ECM1: variants seen among roughly 807,000 people sequenced by gnomAD.
ECM1 encodes secretory component p85.
ECM1 carries 54 observed loss-of-function variants against 57.9 expected under a neutral mutation model. The observed-to-expected ratio is 0.93, with a 90% confidence interval of 0.75 to 1.17. ECM1 has a LOEUF of 1.17. Ranked by LOEUF, ECM1 falls within the 50% of genes most tolerant of loss-of-function variation. ECM1 has a pLI of 0.00. For synonymous variants in ECM1, 237 were observed against 259.1 expected (o/e 0.91, Z 0.82); for missense variants, 649 against 688.1 (o/e 0.94, Z 0.64).
chr1:150,511,511 C>A lies in ECM1; in HGVS notation c.763C>A (p.Pro255Thr). The A allele has an allele frequency of 2.5e-6, 4 of 1,614,188 alleles. No homozygotes were observed. The highest frequency in any genetic ancestry group is 3.4e-6 in the Non-Finnish European group (4 of 1,180,016). The stretch of plus-strand genomic sequence containing the variant: ...GGCCGAGTTCTCGGTCAAGACCCGA[C>A]CCCACTGGTGCTGCACGCGGCAGGG... ...CEAEFSVKTR[P>T]HWCCTRQGEA... is the part of the protein sequence containing the mutation. The change falls in exon 7 of 10, where the codon CCC becomes ACC. Residue 255 changes from proline to threonine, a missense_variant. Physicochemically the swap from Pro to Thr is conservative, Grantham distance 38. Transcript: ENST00000369047.
chr1:150,510,604 G>A, intron 5 of ECM1: 1 of 578,220 alleles, frequency 1.7e-6, no homozygotes, highest in Non-Finnish European at 3.1e-6. Flanking sequence ...TCCTGCCTTA[G>A]TGCTCAGGAC....
chr1:150,511,684 C>G lies in ECM1; in HGVS notation c.936C>G (p.Ile312Met), dbSNP rs1670447412. 1 of 1,614,046 alleles carries G rather than the reference C, an allele frequency of 6.2e-7. No homozygotes were observed. The highest frequency in any genetic ancestry group is 1.7e-5 in the Admixed American group (1 of 60,004). Residue 312 changes from isoleucine to methionine, a missense_variant, in exon 7 of 10, where the codon ATC becomes ATG. Ile to Met is a conservative substitution (Grantham distance 10, BLOSUM62 1). Transcript: ENST00000369047. ...GVPTLDNIKN[I>M]CHLRRFRSVP... ...CCACATTGGACAATATCAAGAACATCTGCCACCTGAGGCGCTTCCGCTCTG... is the reference window on the plus strand; with the variant it reads ...CCACATTGGACAATATCAAGAACATGTGCCACCTGAGGCGCTTCCGCTCTG...
intron 2 of ECM1, 32 bp downstream of exon 2, chr1:150,509,613 G>A: frequency 1.2e-6 from 2 of 1,614,020 alleles, no homozygotes; most frequent in Non-Finnish European, 8.5e-7. Flanking sequence ...ATGGGATTGG[G>A]ACTCCAGGAG....
intron 6 of ECM1, 101 bp downstream of exon 6, chr1:150,511,299 G>T: frequency 6.3e-7 from 1 of 1,590,442 alleles, no homozygotes; most frequent in African/African-American, 1.3e-5. Context: ...GGAACCTCAG[G>T]TCCCGTTCAC....
Position 150,511,275 on chromosome 1 carries a change from G to A in ECM1, c.708+77G>A. On this transcript the variant is annotated intron_variant, in intron 6 of 9. Transcript: ENST00000369047. ...GTGTGTTTTAAGGGTTAGAGCACTA[G>A]GCCTGGGTCTGGAGGAACCTCAGGT... 1.9e-6 allele frequency: 3 copies of A among 1,600,716 alleles called. No homozygotes were observed. The South Asian group carries it at 3.3e-5, about 18-fold the overall frequency.
chr1:150,509,449 G>A, intron 1 of ECM1, 82 bp from the exon 2 acceptor site: 5 of 1,489,890 alleles, frequency 3.4e-6, no homozygotes, highest in Middle Eastern at 1.8e-4. Flanking sequence ...CTACACTCTT[G>A]ATCTCCACAG....
intron 1 of ECM1, chr1:150,509,305 G>A (rs1013561576): frequency 8.1e-6 from 5 of 618,230 alleles, no homozygotes; most frequent in African/African-American, 7.3e-5. Flanking sequence ...AGCCAGTAGA[G>A]GTGGAGCTAT....
At chr1:150,508,359 A>G (rs991578711) in intron 1 of ECM1, 80 bp downstream of exon 1, 2 of 1,335,906 alleles carry the variant, frequency 1.5e-6, no homozygotes, top group Admixed American at 1.7e-5. Context: ...CAGACGGCTC[A>G]TCACTAGCAG....
intron 6 of ECM1, 40 bp from the exon 7 acceptor site, chr1:150,511,417 G>GGA: frequency 6.2e-7 from 1 of 1,613,968 alleles, no homozygotes. Context: ...GAGGAAGGCA[G>GGA]GAATGTGGAA....
chr1:150,513,440 C>T lies in ECM1; in HGVS notation c.1596C>T (p.Ser532=). Residue 532 remains serine, a synonymous_variant, in exon 10 of 10, where the codon AGC becomes AGT. Transcript: ENST00000369047. ...GCTCAACTGGAGGAACAAATATCAG[C>T]TCCACCTCTGAGCCCAAGGAAGAAT... ...EQGSTGGTNI[S]STSEPKEE is the part of the protein sequence containing the mutation. The T allele has an allele frequency of 6.2e-7, 1 of 1,613,742 alleles. No individual in the cohort carries two copies. The highest frequency in any genetic ancestry group is 8.5e-7 in the Non-Finnish European group (1 of 1,180,012).
Position 150,511,461 on chromosome 1 carries a change from A to C in ECM1, c.713A>C (p.Glu238Ala), listed in dbSNP as rs781721090. ...GATCCTCCCCTCTTGCTCTAGTGGG[A>C]GGAAGCAATGAGCCGATTCTGTGAG... The part of the protein sequence containing the change: ...NRLECAKLVW[E>A]EAMSRFCEAE... The change falls in exon 7 of 10, where the codon GAG becomes GCG. Residue 238 changes from glutamate to alanine, a missense_variant. By Grantham distance (107) the Glu-to-Ala change is moderately radical. Coordinates refer to ENST00000369047, the MANE Select transcript of ECM1 (RefSeq NM_004425.4). 44 of 1,613,924 alleles carry C rather than the reference A, an allele frequency of 2.7e-5. No homozygotes were observed. In the South Asian group the frequency reaches 3.4e-4, roughly 12 times the overall value.
At position 150,510,969 on chromosome 1, in the gene ECM1, G is replaced by T; in HGVS notation, c.479G>T (p.Trp160Leu). 6.2e-7 allele frequency: 1 copy of T among 1,614,180 alleles called. No individual in the cohort carries two copies. Among genetic ancestry groups the T allele is most frequent in the Non-Finnish European group, 8.5e-7 (1 of 1,180,032 alleles). The change falls in exon 6 of 10, where the codon TGG becomes TTG. Residue 160 changes from tryptophan (W) to leucine (L), a missense_variant. By Grantham distance (61) the Trp-to-Leu change is moderately conservative. Coordinates refer to ENST00000369047, the MANE Select transcript of ECM1 (RefSeq NM_004425.4). ...CAACAGGACCGGTCCCAAGGGGGCT[G>T]GGGCCACCGGCTGGATGGCTTCCCC... ...HCQQDRSQGG[W>L]GHRLDGFPPG...
chr1:150,510,996 CT>C lies in ECM1; in HGVS notation c.507del (p.Arg171GlyfsTer7), dbSNP rs869025565. 7 of 1,614,098 alleles carry C rather than the reference CT, an allele frequency of 4.3e-6. No individual in the cohort carries two copies. Among genetic ancestry groups the C allele is most frequent in the African/African-American group, 1.3e-5 (1 of 74,936 alleles). ...GWGHRLDGFPPGRPSPDNLNQ... is the reference protein window; with the variant it reads ...GWGHRLDGFPXGRPSPDNLNQ... ...GGCCACCGGCTGGATGGCTTCCCCC[CT>C]GGGCGGCCTTCTCCAGACAATCTGA... On this transcript the variant is annotated frameshift_variant, in exon 6 of 10. Transcript: ENST00000369047. LOFTEE classifies it high-confidence loss of function.
In ECM1 at chr1:150,508,236, G is replaced by GGTCTTGAC. The variant is rs1429079764; in HGVS notation, c.28_35dup (p.Tyr13SerfsTer2). On this transcript the variant is annotated frameshift_variant, in exon 1 of 10. Transcript: ENST00000369047. LOFTEE classifies it high-confidence loss of function. The stretch of plus-strand genomic sequence containing the variant: ...TGGGGACCACAGCCAGAGCAGCCTT[G>GGTCTTGAC]GTCTTGACCTATTTGGCTGTTGCTT... 6.2e-7 allele frequency: 1 copy of GGTCTTGAC among 1,613,984 alleles called. No individual in the cohort carries two copies. The highest frequency in any genetic ancestry group is 1.3e-5 in the African/African-American group (1 of 74,928).
At position 150,511,335 on chromosome 1, in the gene ECM1, G is replaced by A. The variant is rs1570884929; in HGVS notation, c.709-122G>A. 3 of 1,591,108 alleles carry A rather than the reference G, an allele frequency of 1.9e-6. 1 individual carries two copies. The highest frequency in any genetic ancestry group is 3.6e-4 in the Middle Eastern group (2 of 5,496). ...TGGCCCTACCCTGGGCCTCCCCAAT[G>A]TGCCAGGGGAGCAGAGGACAACCAC... On this transcript the variant is annotated intron_variant, in intron 6 of 9. Coordinates refer to ENST00000369047, the MANE Select transcript of ECM1 (RefSeq NM_004425.4).
In ECM1 at chr1:150,513,275, T is replaced by G; in HGVS notation, c.1431T>G (p.Arg477=). Residue 477 remains arginine (R), a synonymous_variant, in exon 10 of 10, where the codon CGT becomes CGG. Transcript: ENST00000369047. ...TCAATGATCTGTGTGGTCCCCGACGTAACATCTGGCGAGACCCTGCCCTCT... is the reference window on the plus strand; with the variant it reads ...TCAATGATCTGTGTGGTCCCCGACGGAACATCTGGCGAGACCCTGCCCTCT... ...TFINDLCGPR[R]NIWRDPALCC... 6.2e-7 allele frequency: 1 copy of G among 1,614,228 alleles called. No homozygotes were observed. Among genetic ancestry groups the G allele is most frequent in the South Asian group, 1.1e-5 (1 of 91,088 alleles).
chr1:150,513,591 G>T lies in ECM1; in HGVS notation c.*124G>T. Reference sequence around the variant, plus strand: ...TCATTGTCTATCTAATGTCTCACCCGCAGTGTTTTAAGTGGATCTTGGTGC... The same window carrying T: ...TCATTGTCTATCTAATGTCTCACCCTCAGTGTTTTAAGTGGATCTTGGTGC... On this transcript the variant is annotated 3_prime_UTR_variant, in exon 10 of 10. Transcript: ENST00000369047. 1.0e-6 allele frequency: 1 copy of T among 976,710 alleles called. No homozygotes were observed. The highest frequency in any genetic ancestry group is 1.5e-6 in the Non-Finnish European group (1 of 671,450). 60.5% of individuals were successfully genotyped at this position (976,710 alleles called of 1,614,324 possible). A position where few individuals can be genotyped will look rare whatever the true frequency, so the allele number is the denominator to read the frequency against.
chr1:150,509,879 C>T (rs1409492170), intron 3 of ECM1, 43 bp from the exon 4 acceptor site: 1 of 1,614,068 alleles, frequency 6.2e-7, no homozygotes, highest in East Asian at 2.2e-5. Flanking sequence ...CCAGCCCTGG[C>T]TAGGAGAAAG....
intron 9 of ECM1, 73 bp from the exon 10 acceptor site, chr1:150,513,164 C>A: frequency 6.7e-7 from 1 of 1,494,962 alleles, no homozygotes; most frequent in South Asian, 1.1e-5. Context: ...GGGACTTTGG[C>A]ACCCAAGTAT....
Sources: gnomAD v4.1 joint callset for allele counts on GRCh38, gnomAD v4.1.1 for gene constraint, MANE v1.5 for transcripts, NCBI Gene and HGNC (gene_info 2026-07-23, HGNC 2026-07-21) for gene names.